Variants in RSRP1 observed in about 807,000 individuals in gnomAD.
RSRP1 encodes arginine and serine rich protein 1.
A neutral mutation model predicts 33.0 loss-of-function variants in RSRP1; 37 were observed. That is an observed-to-expected ratio of 1.12 (90% CI 0.86 to 1.48). The LOEUF is 1.48. Ranked by LOEUF, RSRP1 falls within the 40% of genes most tolerant of loss-of-function variation. The pLI, the probability that RSRP1 is intolerant of heterozygous loss-of-function variation, is 0.00. For missense variants in RSRP1, 402 were observed against 385.3 expected (o/e 1.04, Z -0.36); for synonymous variants, 167 against 158.7 (o/e 1.05, Z -0.40).
intron 1 of RSRP1, among the ~76,000 whole-genome samples, chr1:25,296,614 C>T (rs72660911): frequency 7.6e-6 from 1 of 131,616 alleles, no homozygotes; most frequent in East Asian, 2.0e-4. Context: ...GTAATCCCCA[C>T]GTGTTGAGGG....
At chr1:25,287,474 T>C (rs1642131913) in intron 1 of RSRP1, among the ~76,000 whole-genome samples, 1 of 135,086 alleles carries the variant, frequency 7.4e-6, no homozygotes, top group African/African-American at 2.6e-5. Flanking sequence ...TCCTGACCGG[T>C]TCCCGTCAGG....
chr1:25,283,512 C>T lies in RSRP1; in HGVS notation c.-66-36483G>A, dbSNP rs1180670688. Among the ~76,000 whole-genome samples the T allele has an allele frequency of 2.4e-5, 3 of 126,000 alleles. 1 individual carries two copies. The highest frequency in any genetic ancestry group is 5.5e-5 in the Non-Finnish European group (3 of 54,816). The allele number at this position is 126,000 out of a possible 152,430, so 82.7% of individuals were successfully genotyped here. A position where few individuals can be genotyped will look rare whatever the true frequency, so the allele number is the denominator to read the frequency against. On this transcript the variant is annotated intron_variant, in intron 1 of 1. Transcript: ENST00000561867. ...TGCCACTGTACTCCAGCCTGGGTGA[C>T]GAGTGAAACTCTATCTCGATATTAA...
intron 1 of RSRP1, among the ~76,000 whole-genome samples, chr1:25,321,186 G>C (rs1313190833): frequency 3.8e-5 from 5 of 129,882 alleles, no homozygotes; most frequent in African/African-American, 1.0e-4. Context: ...AGCCAGAGAA[G>C]ACAGACCTAT....
rs1346932648 is a variant in RSRP1, at chr1:25,270,201, G to A, written c.-66-23172C>T. 2.3e-5 allele frequency among the ~76,000 whole-genome samples: 3 copies of A among 131,688 alleles called. 1 individual carries two copies. The highest frequency in any genetic ancestry group is 5.4e-5 in the Non-Finnish European group (3 of 55,584). The allele number at this position is 131,688 out of a possible 152,430, so 86.4% of individuals were successfully genotyped here. ...AGAGGAATGGAGACTTCTGACCTCT[G>A]GGGATTGGGGTACCCTCCCCCTTAA... On this transcript the variant is annotated intron_variant, in intron 1 of 1. Transcript: ENST00000561867.
At chr1:25,258,954 A>C (rs1440483203) in intron 1 of RSRP1, among the ~76,000 whole-genome samples, 1 of 152,146 alleles carries the variant, frequency 6.6e-6, no homozygotes, top group Non-Finnish European at 1.5e-5. Flanking sequence ...CTTTGAGGAG[A>C]ATCTCACCAT....
chr1:25,310,113 C>T (rs1438290896), intron 1 of RSRP1, among the ~76,000 whole-genome samples: 1 of 132,462 alleles, frequency 7.5e-6, no homozygotes. Flanking sequence ...TTGTCTCATT[C>T]CAGGATAACC....
intron 1 of RSRP1, among the ~76,000 whole-genome samples, chr1:25,261,404 TTC>T (rs1491551617): frequency 1.5e-4 from 23 of 151,862 alleles, no homozygotes; most frequent in Admixed American, 1.4e-3. Flanking sequence ...TGTGATTTCT[TTC>T]TTTTTTTTTT....
At position 25,330,953 on chromosome 1, in the gene RSRP1, CTTTTTTT is replaced by C. The variant is rs71014353; in HGVS notation, c.-67+7018_-67+7024del. On this transcript the variant is annotated intron_variant, in intron 1 of 1. Transcript: ENST00000561867. The stretch of plus-strand genomic sequence containing the variant: ...CTTTTACACTTCTGGTGTCATCTTC[CTTTTTTT>C]TTTTTTTTTTTTTTTTTTTTTGAGA... Among the ~76,000 whole-genome samples, 7 of 34,730 alleles carry C rather than the reference CTTTTTTT, an allele frequency of 2.0e-4. 1 individual carries two copies. Among genetic ancestry groups the C allele is most frequent in the African/African-American group, 3.9e-4 (4 of 10,252 alleles). The allele number at this position is 34,730 out of a possible 152,430, so 22.8% of individuals were successfully genotyped here.
chr1:25,334,773 C>T (rs1422237342), intron 1 of RSRP1, among the ~76,000 whole-genome samples: 3 of 133,318 alleles, frequency 2.3e-5, no homozygotes, highest in Admixed American at 1.4e-4. Flanking sequence ...TTGCACTCCC[C>T]GAAGCTACAG....
rs1398686368 is a variant in RSRP1, at chr1:25,277,376, T to G, written c.-66-30347A>C. Among the ~76,000 whole-genome samples, 4 of 132,256 alleles carry G rather than the reference T, an allele frequency of 3.0e-5. 1 individual carries two copies. The highest frequency in any genetic ancestry group is 7.2e-5 in the Non-Finnish European group (4 of 55,718). The allele number at this position is 132,256 out of a possible 152,430, so 86.8% of individuals were successfully genotyped here. On this transcript the variant is annotated intron_variant, in intron 1 of 1. Coordinates refer to the RSRP1 transcript ENST00000561867. ...GCTGCCTCAGCATCTCCTGGAAATT[T>G]AGTAGAAATGCAGATTCTCAGGCCC...
chr1:25,250,877 C>T (rs1403022029), upstream of RSRP1, among the ~76,000 whole-genome samples: 1 of 152,094 alleles, frequency 6.6e-6, no homozygotes, highest in Admixed American at 6.5e-5. Flanking sequence ...GGCGAGGTGG[C>T]GTCCGCCTGT....
At position 25,304,056 on chromosome 1, in the gene RSRP1, C is replaced by A. The variant is rs1006697858; in HGVS notation, c.-67+33922G>T. ...AGCACCCAGAAGAGGGAGTGCTGGG[C>A]TGATGGTCCAGGTCGTGTCCACTTC... On this transcript the variant is annotated intron_variant, in intron 1 of 1. Transcript: ENST00000561867. 3.7e-4 allele frequency among the ~76,000 whole-genome samples: 31 copies of A among 84,346 alleles called. 3 individuals carry two copies. Among genetic ancestry groups the A allele is most frequent in the Admixed American group, 3.0e-3 (26 of 8,668 alleles). 55.3% of individuals were successfully genotyped at this position (84,346 alleles called of 152,430 possible).
chr1:25,296,243 C>CTTTTTT (rs894411494), intron 1 of RSRP1, among the ~76,000 whole-genome samples: 1 of 115,384 alleles, frequency 8.7e-6, no homozygotes, highest in Admixed American at 8.4e-5. Context: ...GTGTACATTT[C>CTTTTTT]TTTTTTTTTT....
chr1:25,305,586 G>C (rs1643753411), intron 1 of RSRP1, among the ~76,000 whole-genome samples: 1 of 105,770 alleles, frequency 9.5e-6, no homozygotes. Flanking sequence ...TATGTATTTT[G>C]TTGTTGTTGT....
intron 1 of RSRP1, among the ~76,000 whole-genome samples, chr1:25,297,512 T>A (rs1643052058): frequency 8.0e-6 from 1 of 125,316 alleles, no homozygotes; most frequent in Non-Finnish European, 1.9e-5. Context: ...TGTTCATTGA[T>A]TCTTCCCTGA....
At chr1:25,280,953 C>T (rs1641443741) in intron 1 of RSRP1, among the ~76,000 whole-genome samples, 1 of 131,530 alleles carries the variant, frequency 7.6e-6, no homozygotes, top group Non-Finnish European at 1.8e-5. Flanking sequence ...CCCAACTCTG[C>T]CCTTATCCAG....
rs1431360873 is a variant in RSRP1, at chr1:25,269,206, G to C, written c.-66-22177C>G. On this transcript the variant is annotated intron_variant, in intron 1 of 1. Coordinates refer to the RSRP1 transcript ENST00000561867. ...AGAACACTTACATTAGCCTACAGTT[G>C]GGCAAAATCCTCTAACACAAAGCCT... Among the ~76,000 whole-genome samples the C allele has an allele frequency of 5.3e-5, 7 of 132,496 alleles. 2 individuals are homozygous for C. The highest frequency in any genetic ancestry group is 1.8e-4 in the African/African-American group (7 of 38,800). The allele number at this position is 132,496 out of a possible 152,430, so 86.9% of individuals were successfully genotyped here. A position where few individuals can be genotyped will look rare whatever the true frequency, so the allele number is the denominator to read the frequency against.
In RSRP1 at chr1:25,279,814, C is replaced by T. The variant is rs2124604722; in HGVS notation, c.-66-32785G>A. Among the ~76,000 whole-genome samples, 2 of 130,600 alleles carry T rather than the reference C, an allele frequency of 1.5e-5. 1 individual carries two copies. Among genetic ancestry groups the T allele is most frequent in the Admixed American group, 1.5e-4 (2 of 13,526 alleles). 85.7% of individuals were successfully genotyped at this position (130,600 alleles called of 152,430 possible). A position where few individuals can be genotyped will look rare whatever the true frequency, so the allele number is the denominator to read the frequency against. ...AGGCTTTCCGTAGAATGTACAATTC[C>T]CCTCTGGGTCCAGGCATGGGCGCCC... On this transcript the variant is annotated intron_variant, in intron 1 of 1. Coordinates refer to the RSRP1 transcript ENST00000561867.
In RSRP1 at chr1:25,281,696, C is replaced by G. The variant is rs1641501564; in HGVS notation, c.-66-34667G>C. 1.5e-5 allele frequency among the ~76,000 whole-genome samples: 2 copies of G among 130,822 alleles called. 1 individual carries two copies. Among genetic ancestry groups the G allele is most frequent in the Non-Finnish European group, 3.6e-5 (2 of 55,416 alleles). The allele number at this position is 130,822 out of a possible 152,430, so 85.8% of individuals were successfully genotyped here. The stretch of plus-strand genomic sequence containing the variant: ...ATGCAAGCAGGAGATAGAAACATTC[C>G]CTGCACCTCCCTCCTTGTTGTCAGA... On this transcript the variant is annotated intron_variant, in intron 1 of 1. Coordinates refer to the RSRP1 transcript ENST00000561867.
Sources: gnomAD v4.1 joint callset for allele counts (sites outside exome capture counted in the v4.1 genomes callset) on GRCh38, gnomAD v4.1.1 for gene constraint, MANE v1.5 for transcripts, NCBI Gene and HGNC (gene_info 2026-07-23, HGNC 2026-07-21) for gene names.